Variants in ANKS1B observed in about 807,000 individuals in gnomAD.
The protein encoded by ANKS1B is ankyrin repeat and sterile alpha motif domain containing 1B.
In ANKS1B, 36 loss-of-function variants were observed where a neutral mutation model predicts 148.3. That is an observed-to-expected ratio of 0.24 (90% CI 0.19 to 0.32). The LOEUF (loss-of-function observed/expected upper bound fraction) is 0.32, where lower values mean the gene tolerates loss of function less well. Among genes scored for constraint, ANKS1B ranks in the 10% least tolerant of loss-of-function variants. The probability of loss-of-function intolerance (pLI) is 1.00; values close to 1 mark genes in which losing one functional copy is unlikely to be tolerated. For missense variants in ANKS1B, 1,157 were observed against 1,542.6 expected, an observed-to-expected ratio of 0.75 and a Z score of 4.19; for synonymous variants, 542 against 560.8, an observed-to-expected ratio of 0.97 and a Z score of 0.47.
At chr12:99,527,445 A>G (rs1223472486) in intron 9 of ANKS1B, among the ~76,000 whole-genome samples, 1 of 152,236 alleles carries the variant, frequency 6.6e-6, no homozygotes, top group African/African-American at 2.4e-5. Flanking sequence ...ATAGAGGTCT[A>G]CAGACTTTAG....
intron 11 of ANKS1B, among the ~76,000 whole-genome samples, chr12:99,435,978 TC>T (rs1028615484): frequency 1.3e-5 from 2 of 152,056 alleles, no homozygotes; most frequent in Admixed American, 6.6e-5. Context: ...TCATTTTTTT[TC>T]CTTTCCAAAT....
intron 12 of ANKS1B, among the ~76,000 whole-genome samples, chr12:99,256,987 G>A (rs1465197679): frequency 1.3e-5 from 2 of 151,948 alleles, no homozygotes; most frequent in African/African-American, 4.8e-5. Flanking sequence ...GGCTCATGCC[G>A]TAATCCCAGC....
chr12:99,512,290 G>A (rs538734860), intron 9 of ANKS1B, among the ~76,000 whole-genome samples: 3 of 151,806 alleles, frequency 2.0e-5, no homozygotes, highest in South Asian at 2.1e-4. Flanking sequence ...ATTGTCCAAC[G>A]AACATGAAAA....
At chr12:99,555,973 C>CT (rs575376166) in intron 9 of ANKS1B, among the ~76,000 whole-genome samples, 6 of 152,088 alleles carry the variant, frequency 3.9e-5, no homozygotes, top group Non-Finnish European at 8.8e-5. Flanking sequence ...GAAGTCTCTC[C>CT]TCTTGAATTT....
At position 99,379,003 on chromosome 12, in the gene ANKS1B, C is replaced by T. The variant is rs12299220; in HGVS notation, c.1756+20628G>A. 5.7e-3 allele frequency among the ~76,000 whole-genome samples: 866 copies of T among 152,214 alleles called. 6 individuals are homozygous for T. Among genetic ancestry groups the T allele is most frequent in the Non-Finnish European group, 8.8e-3 (599 of 68,020 alleles). On this transcript the variant is annotated intron_variant, in intron 12 of 26. Coordinates refer to ENST00000683438, the MANE Select transcript of ANKS1B (RefSeq NM_001352186.2). ...AAGCATCTATTGTGGTTAACCTATGCGTCTGGCCTTTACATGATGGATATG... is the reference window on the plus strand; with the variant it reads ...AAGCATCTATTGTGGTTAACCTATGTGTCTGGCCTTTACATGATGGATATG...
At chr12:98,903,340 T>A (rs1440053062) in intron 17 of ANKS1B, among the ~76,000 whole-genome samples, 1 of 151,602 alleles carries the variant, frequency 6.6e-6, no homozygotes, top group Non-Finnish European at 1.5e-5. Context: ...GGCCATGGAG[T>A]GGACCCATGA....
chr12:99,485,497 T>G (rs2096476897), intron 10 of ANKS1B, among the ~76,000 whole-genome samples: 1 of 152,178 alleles, frequency 6.6e-6, no homozygotes, highest in Admixed American at 6.5e-5. Flanking sequence ...CTTTTTGCAA[T>G]AAATTTACCA....
chr12:99,210,051 C>CA (rs953335046), intron 14 of ANKS1B, among the ~76,000 whole-genome samples: 3 of 152,152 alleles, frequency 2.0e-5, no homozygotes, highest in East Asian at 1.9e-4. Flanking sequence ...TGCTCCTGAC[C>CA]AAAATTGGCC....
Position 99,456,506 on chromosome 12 carries a change from T to C in ANKS1B, c.1439-12697A>G, listed in dbSNP as rs141789771. Among the ~76,000 whole-genome samples the C allele has an allele frequency of 9.0e-4, 136 of 151,920 alleles. 2 individuals carry two copies. Among genetic ancestry groups the C allele is most frequent in the Admixed American group, 7.1e-3 (109 of 15,276 alleles). Reference sequence around the variant, plus strand: ...GCACCAGAGGAAGGTTAAGTGCAACTTAAAGAAATCAAAAAAGATGATACA... The same window carrying C: ...GCACCAGAGGAAGGTTAAGTGCAACCTAAAGAAATCAAAAAAGATGATACA... On this transcript the variant is annotated intron_variant, in intron 10 of 26. Transcript: ENST00000683438.
At chr12:99,093,263 C>T (rs1333863720) in intron 15 of ANKS1B, 2 of 152,166 alleles carry the variant, frequency 1.3e-5, no homozygotes, top group Admixed American at 6.5e-5. Context: ...TTCTAAACTA[C>T]CTTAGTGTAT....
chr12:99,800,249 C>G (rs2066773531), intron 4 of ANKS1B, among the ~76,000 whole-genome samples: 1 of 151,656 alleles, frequency 6.6e-6, no homozygotes, highest in Non-Finnish European at 1.5e-5. Flanking sequence ...AGAAGAAAGG[C>G]CGTGTGAGGA....
At chr12:99,498,782 C>G (rs945064350) in intron 10 of ANKS1B, among the ~76,000 whole-genome samples, 2 of 152,074 alleles carry the variant, frequency 1.3e-5, no homozygotes, top group African/African-American at 2.4e-5. Context: ...TCGTGTGCAT[C>G]AAGAAATGTC....
At chr12:99,941,736 TA>T (rs1420976542) in intron 1 of ANKS1B, among the ~76,000 whole-genome samples, 1 of 152,148 alleles carries the variant, frequency 6.6e-6, no homozygotes, top group Non-Finnish European at 1.5e-5. Context: ...AGTTGAATTT[TA>T]AAAGACAGTT....
chr12:99,155,044 C>G, intron 14 of ANKS1B: 2 of 1,535,096 alleles, frequency 1.3e-6, no homozygotes, highest in Admixed American at 3.9e-5. Context: ...AAAAGCAAAC[C>G]AAAGTGCTTA....
At chr12:99,183,065 C>A (rs2079327157) in intron 14 of ANKS1B, among the ~76,000 whole-genome samples, 1 of 151,986 alleles carries the variant, frequency 6.6e-6, no homozygotes, top group Admixed American at 6.6e-5. Flanking sequence ...GGTTTTAATC[C>A]CCTGTCAGAT....
At chr12:99,810,258 C>T (rs963423647) in intron 3 of ANKS1B, among the ~76,000 whole-genome samples, 2 of 151,906 alleles carry the variant, frequency 1.3e-5, no homozygotes, top group Admixed American at 6.6e-5. Context: ...TTCATTAAAT[C>T]GTATTTTTGA....
At chr12:99,981,722 A>G (rs2095704864) in intron 1 of ANKS1B, among the ~76,000 whole-genome samples, 1 of 152,112 alleles carries the variant, frequency 6.6e-6, no homozygotes. Context: ...GTGAAATGAC[A>G]ATGGACCTCC....
intron 17 of ANKS1B, among the ~76,000 whole-genome samples, chr12:99,021,256 GT>G (rs945055575): frequency 2.0e-4 from 31 of 151,726 alleles, no homozygotes; most frequent in Non-Finnish European, 4.4e-4. Context: ...ACTTGGGAGA[GT>G]TTTTTTTCTT....
chr12:99,329,224 T>G (rs1339461457), intron 12 of ANKS1B, among the ~76,000 whole-genome samples: 1 of 151,956 alleles, frequency 6.6e-6, no homozygotes, highest in Admixed American at 6.6e-5. Context: ...GAAACTATTC[T>G]TATTTTTCAT....
Sources: allele counts gnomAD v4.1 joint callset (sites outside exome capture counted in the v4.1 genomes callset), GRCh38; gene constraint gnomAD v4.1.1; transcripts MANE v1.5; gene names NCBI Gene and HGNC (gene_info 2026-07-23, HGNC 2026-07-21).